TFDP2: variants seen among roughly 807,000 people sequenced by gnomAD.
TFDP2 encodes the protein transcription factor Dp-2 (E2F dimerization partner 2).
Under a neutral mutation model 59.3 loss-of-function variants are expected in TFDP2, and 17 were observed. That is an observed-to-expected ratio of 0.29 (90% CI 0.20 to 0.43). The LOEUF (loss-of-function observed/expected upper bound fraction) is 0.43. TFDP2 is among the 20% of genes least tolerant of loss of function. The probability of loss-of-function intolerance (pLI) is 1.00; values close to 1 mark genes in which losing one functional copy is unlikely to be tolerated. For missense variants in TFDP2, 391 were observed against 528.8 expected (o/e 0.74, Z 2.56); for synonymous variants, 180 against 194.7 (o/e 0.92, Z 0.63).
At chr3:142,035,750 A>C (rs1347835425) in intron 3 of TFDP2, among the ~76,000 whole-genome samples, 1 of 152,128 alleles carries the variant, frequency 6.6e-6, no homozygotes, top group Non-Finnish European at 1.5e-5. Flanking sequence ...TGGTTACTAT[A>C]AGTGGGAGTT....
intron 1 of TFDP2, among the ~76,000 whole-genome samples, chr3:142,120,904 T>TTA (rs1264759850): frequency 6.6e-6 from 1 of 152,100 alleles, no homozygotes; most frequent in African/African-American, 2.4e-5. Context: ...AACGACTGCT[T>TTA]TACCAGCAGC....
At chr3:141,988,646 T>C (rs1942398707) in intron 6 of TFDP2, among the ~76,000 whole-genome samples, 1 of 151,530 alleles carries the variant, frequency 6.6e-6, no homozygotes, top group Admixed American at 6.6e-5. Context: ...CTTGAAGAAC[T>C]GTTTTTAGCA....
chr3:141,970,182 A>C lies in TFDP2; in HGVS notation c.664-41T>G, dbSNP rs748240224. ...TACAAAATAATATGAACATAGGTAG[A>C]CTATAAAATATCGTTCACTTTCCAG... On this transcript the variant is annotated intron_variant, in intron 8 of 12. Transcript: ENST00000489671. 12 of 1,579,334 alleles carry C rather than the reference A, an allele frequency of 7.6e-6. No individual in the cohort carries two copies. The Admixed American group carries it at 2.0e-4, about 26-fold the overall frequency.
chr3:142,149,162 C>A, intron 1 of TFDP2, 21 bp downstream of exon 1: 1 of 397,880 alleles, frequency 2.5e-6, no homozygotes, highest in East Asian at 3.6e-5. Context: ...CGCGGGCCCG[C>A]GCCCTCGCCC....
chr3:142,099,999 G>A (rs1370846631), intron 2 of TFDP2, among the ~76,000 whole-genome samples: 1 of 152,108 alleles, frequency 6.6e-6, no homozygotes, highest in Non-Finnish European at 1.5e-5. Context: ...AAATCTTGAT[G>A]ACTGTCCCCA....
intron 6 of TFDP2, among the ~76,000 whole-genome samples, chr3:141,983,905 T>C (rs1346164478): frequency 6.6e-6 from 1 of 152,132 alleles, no homozygotes; most frequent in African/African-American, 2.4e-5. Flanking sequence ...AATATGGCAA[T>C]TTCTCAAAAA....
chr3:141,988,673 T>TTC (rs1553767397), intron 6 of TFDP2, among the ~76,000 whole-genome samples: 3 of 146,640 alleles, frequency 2.0e-5, no homozygotes, highest in Admixed American at 6.8e-5. Flanking sequence ...TCTTTTCTTT[T>TTC]TTTTTTTTTT....
chr3:142,032,202 A>C (rs1237022906), intron 3 of TFDP2, among the ~76,000 whole-genome samples: 1 of 151,760 alleles, frequency 6.6e-6, no homozygotes, highest in African/African-American at 2.4e-5. Context: ...TCCTGGGCTC[A>C]GGTGATCCCT....
intron 9 of TFDP2, among the ~76,000 whole-genome samples, chr3:141,968,483 A>G (rs1171339122): frequency 8.9e-6 from 1 of 112,994 alleles, no homozygotes. Context: ...TAACATATAT[A>G]TATCTCATAT....
At chr3:141,956,192 T>C (rs1223765204) in intron 11 of TFDP2, among the ~76,000 whole-genome samples, 1 of 152,204 alleles carries the variant, frequency 6.6e-6, no homozygotes, top group Non-Finnish European at 1.5e-5. Context: ...GTGAAAAAAA[T>C]CTTAATTATA....
intron 4 of TFDP2, among the ~76,000 whole-genome samples, chr3:142,003,168 T>C: frequency 6.6e-6 from 1 of 152,224 alleles, no homozygotes; most frequent in Non-Finnish European, 1.5e-5. Context: ...GCTTGGCTAA[T>C]TTTTTGTATT....
intron 9 of TFDP2, among the ~76,000 whole-genome samples, chr3:141,968,200 T>C (rs568556909): frequency 6.9e-6 from 1 of 145,916 alleles, no homozygotes; most frequent in African/African-American, 2.5e-5. Context: ...GCTTTTTTTT[T>C]TTTTAAAGCT....
chr3:142,147,919 G>A (rs1409136010), intron 1 of TFDP2, among the ~76,000 whole-genome samples: 1 of 151,962 alleles, frequency 6.6e-6, no homozygotes, highest in Non-Finnish European at 1.5e-5. Flanking sequence ...TAAATAACAG[G>A]CTAAACAATG....
intron 1 of TFDP2, among the ~76,000 whole-genome samples, chr3:142,131,771 C>A (rs1233400644): frequency 6.7e-6 from 1 of 149,780 alleles, no homozygotes; most frequent in East Asian, 1.9e-4. Context: ...TTTGAGAGGC[C>A]GAGGCGGGCA....
Position 142,094,305 on chromosome 3 carries a change from C to CTT in TFDP2, c.16-1180_16-1179dup, listed in dbSNP as rs34185822. Among the ~76,000 whole-genome samples, 82 of 138,726 alleles carry CTT rather than the reference C, an allele frequency of 5.9e-4. 1 individual carries two copies. The highest frequency in any genetic ancestry group is 1.1e-3 in the Admixed American group (15 of 13,624). 91.0% of individuals were successfully genotyped at this position (138,726 alleles called of 152,430 possible). On this transcript the variant is annotated intron_variant, in intron 2 of 12. Transcript: ENST00000489671. ...TTGTGGTATGATACCTCAAACTGTA[C>CTT]TTTTTTTTTTTTTTTTGAGATGGCG...
chr3:142,065,114 A>G (rs888471135), intron 3 of TFDP2, among the ~76,000 whole-genome samples: 3 of 151,848 alleles, frequency 2.0e-5, no homozygotes, highest in African/African-American at 7.3e-5. Flanking sequence ...CAATAAATAA[A>G]ATTATTTGCA....
At chr3:141,966,847 G>C (rs1182793310) in intron 9 of TFDP2, among the ~76,000 whole-genome samples, 1 of 149,190 alleles carries the variant, frequency 6.7e-6, no homozygotes, top group Non-Finnish European at 1.5e-5. Context: ...CATGTGACAT[G>C]AGTGAGTTGT....
In TFDP2 at chr3:141,999,458, G is replaced by A. The variant is rs1576641105; in HGVS notation, c.187-4317C>T. ...ATGGATTTGTGACTGCACAGGGGCT[G>A]TGCCCTTATCCCTTGCATTGGTCAA... On this transcript the variant is annotated intron_variant, in intron 4 of 12. Coordinates refer to ENST00000489671, the MANE Select transcript of TFDP2 (RefSeq NM_001178139.2). Among the ~76,000 whole-genome samples, 7 of 152,148 alleles carry A rather than the reference G, an allele frequency of 4.6e-5. 1 individual carries two copies. The South Asian group carries it at 1.5e-3, about 32-fold the overall frequency.
At chr3:142,134,303 C>T (rs539740020) in intron 1 of TFDP2, among the ~76,000 whole-genome samples, 5 of 150,574 alleles carry the variant, frequency 3.3e-5, no homozygotes, top group East Asian at 2.0e-4. Context: ...GGGCCGAGAC[C>T]GTGCCACTGC....
Sources: allele counts gnomAD v4.1 joint callset (sites outside exome capture counted in the v4.1 genomes callset), GRCh38; gene constraint gnomAD v4.1.1; transcripts MANE v1.5; gene names NCBI Gene and HGNC (gene_info 2026-07-23, HGNC 2026-07-21).